The following PIP5K1B variants were observed in gnomAD, a reference collection of about 807,000 sequenced individuals.
PIP5K1B encodes phosphatidylinositol 4-phosphate 5-kinase type-1 beta.
In PIP5K1B, 42 loss-of-function variants were observed where a neutral mutation model predicts 67.0. The ratio of observed to expected loss-of-function variants is 0.63; its 90% CI spans 0.49 to 0.81. The LOEUF is 0.81. PIP5K1B is among the 30% of genes least tolerant of loss of function. The pLI, the probability that PIP5K1B is intolerant of heterozygous loss-of-function variation, is 0.00. For missense variants in PIP5K1B, 459 were observed against 646.3 expected (o/e 0.71, Z 3.14); for synonymous variants, 214 against 231.4 (o/e 0.92, Z 0.68).
intron 3 of PIP5K1B, among the ~76,000 whole-genome samples, chr9:68,819,980 A>T (rs894220368): frequency 6.6e-6 from 1 of 152,196 alleles, no homozygotes; most frequent in Non-Finnish European, 1.5e-5. Context: ...CAAGTCAGGG[A>T]TGATTCACAA....
intron 4 of PIP5K1B, among the ~76,000 whole-genome samples, chr9:68,849,685 G>A (rs745333300): frequency 2.0e-5 from 3 of 152,176 alleles, no homozygotes; most frequent in African/African-American, 4.8e-5. Flanking sequence ...TCTGTAATGC[G>A]TGTATACAGA....
intron 2 of PIP5K1B, among the ~76,000 whole-genome samples, chr9:68,808,742 T>TA (rs1269594314): frequency 2.0e-5 from 3 of 152,244 alleles, no homozygotes; most frequent in African/African-American, 7.2e-5. Flanking sequence ...GGGAGAGCCA[T>TA]TCTGAGAATT....
At chr9:68,788,996 TGAAGG>T (rs955193176) in intron 2 of PIP5K1B, 6 of 351,086 alleles carry the variant, frequency 1.7e-5, no homozygotes, top group African/African-American at 1.1e-4. Context: ...CTGGGGTTCA[TGAAGG>T]GAAGTGTAAG....
chr9:68,896,666 A>G (rs908950287), intron 8 of PIP5K1B, among the ~76,000 whole-genome samples: 2 of 152,066 alleles, frequency 1.3e-5, no homozygotes, highest in African/African-American at 4.8e-5. Flanking sequence ...CTGGTATGGG[A>G]GTGTGTAAAT....
chr9:68,904,619 A>AC (rs1392748611), intron 8 of PIP5K1B, among the ~76,000 whole-genome samples: 1 of 152,184 alleles, frequency 6.6e-6, no homozygotes, highest in African/African-American at 2.4e-5. Context: ...TGCAGCGGTT[A>AC]CAGGGGGGTT....
chr9:68,739,316 G>A (rs757264344), intron 1 of PIP5K1B, among the ~76,000 whole-genome samples: 23 of 152,050 alleles, frequency 1.5e-4, no homozygotes, highest in Non-Finnish European at 2.8e-4. Flanking sequence ...CTTATGGGAC[G>A]CAACATTTGT....
In PIP5K1B at chr9:68,888,936, G is replaced by A. The variant is rs184751957; in HGVS notation, c.319-45G>A. 4.0e-4 allele frequency: 544 copies of A among 1,369,464 alleles called. 1 individual carries two copies. The African/African-American group carries it at 6.4e-3, about 16-fold the overall frequency. 84.8% of individuals were successfully genotyped at this position (1,369,464 alleles called of 1,614,324 possible). A position where few individuals can be genotyped will look rare whatever the true frequency, so the allele number is the denominator to read the frequency against. ...TGATTGTCCTCCTTGGAGGCATCAC[G>A]TACATCAAGTATATGTTTTAATGTT... On this transcript the variant is annotated intron_variant, in intron 6 of 15. Transcript: ENST00000265382.
chr9:68,789,601 C>T, intron 2 of PIP5K1B: 1 of 411,444 alleles, frequency 2.4e-6, no homozygotes, highest in South Asian at 2.0e-5. Flanking sequence ...GAACAGTGTA[C>T]CACACTTCTC....
intron 7 of PIP5K1B, among the ~76,000 whole-genome samples, chr9:68,893,258 C>T (rs62566872): frequency 0.098 from 14,778 of 151,110 alleles, 845 homozygotes; most frequent in Non-Finnish European, 0.14. Context: ...GACTACATGC[C>T]GTTTTGTAAA....
intron 7 of PIP5K1B, among the ~76,000 whole-genome samples, chr9:68,890,821 T>C (rs1194523186): frequency 6.6e-6 from 1 of 152,202 alleles, no homozygotes; most frequent in East Asian, 1.9e-4. Context: ...TAGGATCAAA[T>C]TGATATAATA....
intron 14 of PIP5K1B, among the ~76,000 whole-genome samples, chr9:68,984,579 T>C (rs1830022191): frequency 6.6e-6 from 1 of 152,250 alleles, no homozygotes; most frequent in Non-Finnish European, 1.5e-5. Flanking sequence ...CCCAAATTCT[T>C]TTATATGTAT....
intron 14 of PIP5K1B, among the ~76,000 whole-genome samples, chr9:68,941,849 G>C (rs1345289284): frequency 6.6e-6 from 1 of 152,158 alleles, no homozygotes; most frequent in East Asian, 1.9e-4. Context: ...AGTCGGACCT[G>C]CTATAGGAAT....
intron 14 of PIP5K1B, among the ~76,000 whole-genome samples, chr9:68,956,466 T>G (rs1208764954): frequency 6.6e-6 from 1 of 151,684 alleles, no homozygotes; most frequent in Non-Finnish European, 1.5e-5. Context: ...AGACTCTGTC[T>G]CAGAAAAAAA....
chr9:68,790,645 C>T (rs935757117), intron 2 of PIP5K1B, among the ~76,000 whole-genome samples: 3 of 152,152 alleles, frequency 2.0e-5, no homozygotes, highest in Non-Finnish European at 2.9e-5. Flanking sequence ...CCCTTGTGGA[C>T]CTTTTTCTGC....
At chr9:68,943,794 G>A (rs1322089522) in intron 14 of PIP5K1B, among the ~76,000 whole-genome samples, 1 of 152,156 alleles carries the variant, frequency 6.6e-6, no homozygotes, top group African/African-American at 2.4e-5. Context: ...TATGTTATAT[G>A]TATCTGTGCT....
At chr9:68,989,026 C>G (rs1436704348) in intron 14 of PIP5K1B, among the ~76,000 whole-genome samples, 2 of 124,284 alleles carry the variant, frequency 1.6e-5, no homozygotes, top group African/African-American at 6.3e-5. Context: ...GCCCAGGAGG[C>G]AGAGATTGCA....
At chr9:68,920,784 TCACACACATACACACACATA>T (rs1399614941) in intron 11 of PIP5K1B, among the ~76,000 whole-genome samples, 3 of 142,234 alleles carry the variant, frequency 2.1e-5, no homozygotes, top group East Asian at 4.3e-4. Flanking sequence ...TCTCTCTCTC[TCACACACATACACACACATA>T]CACACACACA....
At chr9:68,831,325 A>T (rs1460726745) in intron 4 of PIP5K1B, among the ~76,000 whole-genome samples, 1 of 152,266 alleles carries the variant, frequency 6.6e-6, no homozygotes, top group Non-Finnish European at 1.5e-5. Flanking sequence ...TGCTTAGTGC[A>T]TGCCCGCTAT....
intron 6 of PIP5K1B, among the ~76,000 whole-genome samples, chr9:68,886,901 C>T (rs1265379333): frequency 6.6e-6 from 1 of 152,232 alleles, no homozygotes; most frequent in African/African-American, 2.4e-5. Context: ...CTCTCTGGCT[C>T]CATCCCTTTC....
Sources: allele counts gnomAD v4.1 joint callset (sites outside exome capture counted in the v4.1 genomes callset), GRCh38; gene constraint gnomAD v4.1.1; transcripts MANE v1.5; gene names NCBI Gene and HGNC (gene_info 2026-07-23, HGNC 2026-07-21).